The following CELF5 variants were observed in gnomAD, a reference collection of about 807,000 sequenced individuals.
The protein encoded by CELF5 is CUG-BP and ETR-3 like factor 5.
Under a neutral mutation model 54.9 loss-of-function variants are expected in CELF5, and 6 were observed. The observed-to-expected ratio is 0.11, with a 90% CI of 0.06 to 0.22. The LOEUF (loss-of-function observed/expected upper bound fraction) is 0.22. Among genes scored for constraint, CELF5 ranks in the 10% least tolerant of loss-of-function variants. The pLI is 1.00. For missense variants in CELF5, 401 were observed against 678.6 expected (o/e 0.59, Z 4.54); for synonymous variants, 271 against 290.9 (o/e 0.93, Z 0.70).
intron 1 of CELF5, among the ~76,000 whole-genome samples, chr19:3,249,998 G>A (rs2079625807): frequency 6.6e-6 from 1 of 152,128 alleles, no homozygotes; most frequent in African/African-American, 2.4e-5. Context: ...TTAATGGCTG[G>A]ACCTCCTCTC....
rs149422703 is a variant in CELF5 at position 3,243,609 on chromosome 19, G to A, written c.260-7376G>A. ...GTGGACTTTATTAACATCACTGCACGTCTGTGCTGATGGGGAACTGTACGA... is the reference window on the plus strand; with the variant it reads ...GTGGACTTTATTAACATCACTGCACATCTGTGCTGATGGGGAACTGTACGA... On this transcript the variant is annotated intron_variant, in intron 1 of 12. Coordinates refer to ENST00000292672, the MANE Select transcript of CELF5 (RefSeq NM_021938.4). Among the ~76,000 whole-genome samples the A allele has an allele frequency of 8.7e-3, 1,328 of 152,168 alleles. 12 individuals carry two copies. Among genetic ancestry groups the A allele is most frequent in the Non-Finnish European group, 0.013 (916 of 68,010 alleles).
At chr19:3,253,691 A>G (rs1445392862) in intron 2 of CELF5, among the ~76,000 whole-genome samples, 1 of 152,212 alleles carries the variant, frequency 6.6e-6, no homozygotes. Context: ...GACTTGTCCA[A>G]GGTTAGGCAG....
rs1253674785 is a variant in CELF5, at chr19:3,281,172, C to T, written c.604-27C>T. The T allele has an allele frequency of 1.3e-6, 2 of 1,594,870 alleles. No homozygotes were observed. Among genetic ancestry groups the T allele is most frequent in the Admixed American group, 1.7e-5 (1 of 59,838 alleles). On this transcript the variant is annotated intron_variant, in intron 5 of 12. Transcript: ENST00000292672. This position sits in a 1 kb window ranked among gnomAD's most constrained non-coding sequence, Gnocchi z 6.5. ...TCCTGGCTACCTCCCAGCCCGTTTC[C>T]CTCCCTGCTCGCCGCTGCCCCTGCA...
intron 1 of CELF5, among the ~76,000 whole-genome samples, chr19:3,233,157 T>C (rs1458305897): frequency 6.6e-6 from 1 of 151,966 alleles, no homozygotes; most frequent in Admixed American, 6.6e-5. Context: ...CGTGGTGGCA[T>C]GTGCCTAGAG....
intron 2 of CELF5, among the ~76,000 whole-genome samples, chr19:3,262,975 G>A (rs375562285): frequency 6.6e-6 from 1 of 151,794 alleles, no homozygotes; most frequent in East Asian, 1.9e-4. Flanking sequence ...AGATAAATTT[G>A]TGGCTCACGC....
chr19:3,286,217 C>T (rs1332380619), intron 10 of CELF5, 192 bp downstream of exon 10: 5 of 514,814 alleles, frequency 9.7e-6, no homozygotes, highest in African/African-American at 2.0e-5. Context: ...TTTCCTCCTC[C>T]GAAAAGAGAA....
Position 3,284,946 on chromosome 19 carries a change from G to C in CELF5, c.1084G>C (p.Gly362Arg). The change falls in exon 9 of 13, where the codon GGA becomes CGA. Residue 362 changes from glycine (G) to arginine (R), a missense_variant. Coordinates refer to ENST00000292672, the MANE Select transcript of CELF5 (RefSeq NM_021938.4). ...CGAGACACTGCATCCTGCCTTCTCC[G>C]GAGTCCAGCAGTACACAGGTAGGAG... ...VAETLHPAFS[G>R]VQQYTAMYPT... is the part of the protein sequence containing the mutation. The C allele has an allele frequency of 6.2e-7, 1 of 1,612,256 alleles. No individual in the cohort carries two copies. The highest frequency in any genetic ancestry group is 8.5e-7 in the Non-Finnish European group (1 of 1,179,494).
rs1425839151 is a variant in CELF5 at position 3,278,695 on chromosome 19, GTGTGTT to G, written c.603+591_603+596del. ...TGGGCAGGTTTGTGTGTGTGTGTGT[GTGTGTT>G]TGTGTGTGTGCATGACTGTGAGTGT... On this transcript the variant is annotated intron_variant, in intron 5 of 12. Transcript: ENST00000292672. The surrounding 1 kb of genome is among the most constrained non-coding windows in gnomAD (Gnocchi z 4.5). Among the ~76,000 whole-genome samples, 3 of 151,926 alleles carry G rather than the reference GTGTGTT, an allele frequency of 2.0e-5. No homozygotes were observed. The highest frequency in any genetic ancestry group is 3.9e-4 in the East Asian group (2 of 5,174).
intron 2 of CELF5, among the ~76,000 whole-genome samples, chr19:3,271,264 A>G (rs2079959112): frequency 7.0e-6 from 1 of 142,486 alleles, no homozygotes; most frequent in Non-Finnish European, 1.5e-5. Context: ...CTCCCCTGGC[A>G]CCCCCCCGCT....
rs548166304 is a variant in CELF5 at position 3,254,577 on chromosome 19, T to TCATC, written c.342+3530_342+3533dup. On this transcript the variant is annotated intron_variant, in intron 2 of 12. Coordinates refer to ENST00000292672, the MANE Select transcript of CELF5 (RefSeq NM_021938.4). ...TTCATCCACCCATCCACCCATCAAT[T>TCATC]CATCCATCCATCCATCCATCCATGC... Among the ~76,000 whole-genome samples, 573 of 147,098 alleles carry TCATC rather than the reference T, an allele frequency of 3.9e-3. 5 individuals carry two copies. The highest frequency in any genetic ancestry group is 0.014 in the African/African-American group (540 of 39,348).
In CELF5 at chr19:3,275,186, AG is replaced by A. The variant is rs779745166; in HGVS notation, c.395-665del. Among the ~76,000 whole-genome samples the A allele has an allele frequency of 7.2e-5, 11 of 152,130 alleles. No individual in the cohort carries two copies. Among genetic ancestry groups the A allele is most frequent in the African/African-American group, 9.7e-5 (4 of 41,416 alleles). Reference sequence around the variant, plus strand: ...TTACCAGGGAGCATGCAGTTACCCAAGGGGGCAGAGCTCACACAGGAGAGGC... The same window carrying A: ...TTACCAGGGAGCATGCAGTTACCCAAGGGGCAGAGCTCACACAGGAGAGGC... On this transcript the variant is annotated intron_variant, in intron 3 of 12. Coordinates refer to ENST00000292672, the MANE Select transcript of CELF5 (RefSeq NM_021938.4). The surrounding 1 kb of genome is among the most constrained non-coding windows in gnomAD (Gnocchi z 6.7).
intron 10 of CELF5, among the ~76,000 whole-genome samples, chr19:3,287,895 G>A (rs1002730769): frequency 6.6e-6 from 1 of 152,198 alleles, no homozygotes; most frequent in South Asian, 2.1e-4. Context: ...AATAAATACC[G>A]TGCTTGGCCT....
rs762161052 is a variant in CELF5, at chr19:3,272,367, C to CA, written c.343-1503dup. 3.5e-3 allele frequency among the ~76,000 whole-genome samples: 510 copies of CA among 145,248 alleles called. 3 individuals are homozygous for CA. Among genetic ancestry groups the CA allele is most frequent in the African/African-American group, 0.012 (458 of 39,404 alleles). On this transcript the variant is annotated intron_variant, in intron 2 of 12. Transcript: ENST00000292672. ...CTGGCAACAGAGTGAGAGTCCGTCC[C>CA]AAGAAAAAAAAAGAAAAAAAGAAAA...
Position 3,275,188 on chromosome 19 carries a change from G to T in CELF5, c.395-668G>T, listed in dbSNP as rs1317825916. Among the ~76,000 whole-genome samples, 3 of 152,136 alleles carry T rather than the reference G, an allele frequency of 2.0e-5. No individual in the cohort carries two copies. Among genetic ancestry groups the T allele is most frequent in the Admixed American group, 6.5e-5 (1 of 15,272 alleles). ...ACCAGGGAGCATGCAGTTACCCAAGGGGGCAGAGCTCACACAGGAGAGGCT... is the reference window on the plus strand; with the variant it reads ...ACCAGGGAGCATGCAGTTACCCAAGTGGGCAGAGCTCACACAGGAGAGGCT... On this transcript the variant is annotated intron_variant, in intron 3 of 12. Transcript: ENST00000292672. This position sits in a 1 kb window ranked among gnomAD's most constrained non-coding sequence, Gnocchi z 6.7.
chr19:3,225,656 CG>C (rs1296623352), intron 1 of CELF5: 44 of 935,084 alleles, frequency 4.7e-5, no homozygotes, highest in Non-Finnish European at 5.6e-5. Flanking sequence ...GCGCCCGGCT[CG>C]GGGGGACGCG....
chr19:3,261,405 A>C (rs1194884313), intron 2 of CELF5, among the ~76,000 whole-genome samples: 1 of 151,284 alleles, frequency 6.6e-6, no homozygotes, highest in Non-Finnish European at 1.5e-5. Context: ...GCGACAGAGC[A>C]AGACTCCATC....
intron 9 of CELF5, 104 bp downstream of exon 9, chr19:3,285,068 G>A (rs1241498032): frequency 1.1e-6 from 1 of 875,286 alleles, no homozygotes; most frequent in Non-Finnish European, 1.8e-6. Context: ...GTGCCTAGCC[G>A]CGCCTCCTAC....
At chr19:3,290,425 C>A in intron 11 of CELF5, 51 bp downstream of exon 11, 1 of 1,603,154 alleles carries the variant, frequency 6.2e-7, no homozygotes, top group African/African-American at 1.3e-5. Flanking sequence ...TCGCCTGCCC[C>A]CTGACAGGGA....
chr19:3,257,785 T>TTTTATTTA (rs1204284655), intron 2 of CELF5, among the ~76,000 whole-genome samples: 76 of 80,612 alleles, frequency 9.4e-4, no homozygotes, highest in Admixed American at 1.6e-3. Context: ...CTCCATTTTT[T>TTTTATTTA]TTTATTTATT....
Sources: allele counts gnomAD v4.1 joint callset (sites outside exome capture counted in the v4.1 genomes callset), GRCh38; gene constraint gnomAD v4.1.1; non-coding constraint Gnocchi (gnomAD v3.1); transcripts MANE v1.5; gene names NCBI Gene and HGNC (gene_info 2026-07-23, HGNC 2026-07-21).